The following DDAH1 variants were observed in gnomAD, a reference collection of about 807,000 sequenced individuals.
DDAH1 encodes the protein N(G),N(G)-dimethylarginine dimethylaminohydrolase 1.
In DDAH1, 19 loss-of-function variants were observed where a neutral mutation model predicts 28.8. The ratio of observed to expected loss-of-function variants is 0.66; its 90% CI spans 0.46 to 0.97. The LOEUF is 0.97. Ranked by LOEUF, DDAH1 falls within the 50% of genes least tolerant of loss-of-function variation. The pLI is 0.00. For synonymous variants in DDAH1, 153 were observed against 154.4 expected (o/e 0.99, Z 0.07); for missense variants, 326 against 375.9 (o/e 0.87, Z 1.10).
At chr1:85,491,002 C>G (rs1209233322) in intron 2 of DDAH1, among the ~76,000 whole-genome samples, 1 of 151,320 alleles carries the variant, frequency 6.6e-6, no homozygotes, top group East Asian at 1.9e-4. Flanking sequence ...TTTTGCTTGC[C>G]CAATACACTT....
At chr1:85,441,313 C>G (rs1368843509) in intron 1 of DDAH1, among the ~76,000 whole-genome samples, 1 of 152,064 alleles carries the variant, frequency 6.6e-6, no homozygotes, top group South Asian at 2.1e-4. Context: ...GAGGACAAGG[C>G]AGGCAGGTCA....
intron 2 of DDAH1, chr1:85,494,859 C>T (rs905918031): frequency 6.6e-6 from 1 of 152,214 alleles, no homozygotes; most frequent in Admixed American, 6.6e-5. Flanking sequence ...GCACAGTGAA[C>T]CATAGAGTCT....
chr1:85,407,687 G>A (rs915310511), intron 1 of DDAH1, among the ~76,000 whole-genome samples: 6 of 152,148 alleles, frequency 3.9e-5, no homozygotes, highest in Non-Finnish European at 7.4e-5. Flanking sequence ...CAAACTGAAA[G>A]AACTGATTGT....
At chr1:85,445,950 A>G (rs935742755) in intron 1 of DDAH1, among the ~76,000 whole-genome samples, 1 of 152,212 alleles carries the variant, frequency 6.6e-6, no homozygotes, top group Non-Finnish European at 1.5e-5. Flanking sequence ...GTTAAATGCC[A>G]TCTGCAATTC....
Position 85,321,003 on chromosome 1 carries a change from T to A in DDAH1, c.*449A>T, listed in dbSNP as rs1570363542. 1 of 120,314 alleles carries A rather than the reference T, an allele frequency of 8.3e-6. No homozygotes were observed. The highest frequency in any genetic ancestry group is 1.6e-5 in the Non-Finnish European group (1 of 60,670). 7.5% of individuals were successfully genotyped at this position (120,314 alleles called of 1,614,324 possible). On this transcript the variant is annotated 3_prime_UTR_variant, in exon 6 of 6. Coordinates refer to ENST00000284031, the MANE Select transcript of DDAH1 (RefSeq NM_012137.4). Reference sequence around the variant, plus strand: ...CTAACTGAATTTCAGAATTCAGAAGTAAAAGAGAAAGGAGGAGGATCCCTG... The same window carrying A: ...CTAACTGAATTTCAGAATTCAGAAGAAAAAGAGAAAGGAGGAGGATCCCTG...
intron 1 of DDAH1, among the ~76,000 whole-genome samples, chr1:85,519,761 C>T (rs1297187177): frequency 2.0e-5 from 3 of 151,978 alleles, no homozygotes; most frequent in African/African-American, 7.3e-5. Flanking sequence ...AAAGATATTA[C>T]TTGGGTAAAA....
intron 1 of DDAH1, among the ~76,000 whole-genome samples, chr1:85,555,000 TCA>T: frequency 6.6e-6 from 1 of 152,246 alleles, no homozygotes; most frequent in Non-Finnish European, 1.5e-5. Context: ...CATATTATGC[TCA>T]GTTATGACAT....
At chr1:85,544,063 A>G (rs758003333) in intron 1 of DDAH1, among the ~76,000 whole-genome samples, 2 of 152,248 alleles carry the variant, frequency 1.3e-5, no homozygotes, top group Non-Finnish European at 2.9e-5. Flanking sequence ...AGGTTTGTTC[A>G]TATTTTCAAG....
intron 2 of DDAH1, among the ~76,000 whole-genome samples, chr1:85,482,097 T>C (rs945985535): frequency 6.6e-6 from 1 of 152,226 alleles, no homozygotes; most frequent in African/African-American, 2.4e-5. Context: ...TAAGGTTCTT[T>C]CCAACCCTGT....
chr1:85,552,786 T>C (rs1272189839), intron 1 of DDAH1, among the ~76,000 whole-genome samples: 2 of 152,144 alleles, frequency 1.3e-5, no homozygotes, highest in African/African-American at 2.4e-5. Context: ...GAACAGTAAG[T>C]AAGTAAAACA....
intron 1 of DDAH1, chr1:85,448,009 C>A (rs537411968): frequency 6.6e-6 from 1 of 152,452 alleles, no homozygotes; most frequent in Non-Finnish European, 1.5e-5. Context: ...GAGCCAGCAT[C>A]TTCATCATCC....
chr1:85,409,046 C>T (rs1396685471), intron 1 of DDAH1, among the ~76,000 whole-genome samples: 1 of 152,234 alleles, frequency 6.6e-6, no homozygotes, highest in Admixed American at 6.5e-5. Flanking sequence ...AACCCACAAC[C>T]TGCATGCCAC....
chr1:85,538,284 T>G (rs1358189580), intron 1 of DDAH1, among the ~76,000 whole-genome samples: 3 of 152,132 alleles, frequency 2.0e-5, no homozygotes, highest in African/African-American at 7.2e-5. Flanking sequence ...TGGAAAGAAA[T>G]AATTACTGCA....
At chr1:85,324,304 A>AATAATAAAT (rs1647231509) in intron 5 of DDAH1, among the ~76,000 whole-genome samples, 1 of 149,636 alleles carries the variant, frequency 6.7e-6, no homozygotes, top group Non-Finnish European at 1.5e-5. Flanking sequence ...AATAATAAAT[A>AATAATAAAT]AAAAAATAAA....
At chr1:85,398,932 T>A (rs1332779897) in intron 1 of DDAH1, 1 of 152,188 alleles carries the variant, frequency 6.6e-6, no homozygotes, top group Non-Finnish European at 1.5e-5. Context: ...ATATCCCTAA[T>A]GCAACTGTTT....
chr1:85,374,386 C>T (rs930643864), intron 1 of DDAH1, among the ~76,000 whole-genome samples: 1 of 152,142 alleles, frequency 6.6e-6, no homozygotes, highest in Non-Finnish European at 1.5e-5. Flanking sequence ...ACTTTCTTGG[C>T]TTCCTACCTA....
chr1:85,432,444 T>C (rs1350382612), intron 1 of DDAH1, among the ~76,000 whole-genome samples: 1 of 152,186 alleles, frequency 6.6e-6, no homozygotes, highest in Non-Finnish European at 1.5e-5. Context: ...CTTCTAAATA[T>C]CATCAAATCT....
intron 1 of DDAH1, among the ~76,000 whole-genome samples, chr1:85,566,273 A>G (rs1009621016): frequency 1.3e-5 from 2 of 152,050 alleles, no homozygotes; most frequent in African/African-American, 4.8e-5. Context: ...TGGGAGGTCA[A>G]GATGGGTGGA....
At chr1:85,446,318 C>T (rs1654425680) in intron 1 of DDAH1, among the ~76,000 whole-genome samples, 1 of 152,100 alleles carries the variant, frequency 6.6e-6, no homozygotes, top group Non-Finnish European at 1.5e-5. Flanking sequence ...GGGGGAAGAG[C>T]CCCTTATAAA....
Sources: allele counts gnomAD v4.1 joint callset (sites outside exome capture counted in the v4.1 genomes callset), GRCh38; gene constraint gnomAD v4.1.1; transcripts MANE v1.5; gene names NCBI Gene and HGNC (gene_info 2026-07-23, HGNC 2026-07-21).